Variants in CSMD1 observed in about 807,000 individuals in gnomAD.
The protein encoded by CSMD1 is CUB and Sushi multiple domains 1, also known as CUB and sushi domain-containing protein 1.
CSMD1 carries 213 observed loss-of-function variants against 417.5 expected under a neutral mutation model. The observed-to-expected ratio is 0.51, with a 90% CI of 0.46 to 0.57. The LOEUF is 0.57. Among genes scored for constraint, CSMD1 ranks in the 20% least tolerant of loss-of-function variants. The pLI is 0.00. For synonymous variants in CSMD1, 2,862 were observed against 1,736.8 expected, an observed-to-expected ratio of 1.65 and a Z score of -16.11; for missense variants, 6,923 against 4,529.7, an observed-to-expected ratio of 1.53 and a Z score of -15.17.
intron 3 of CSMD1, among the ~76,000 whole-genome samples, chr8:4,165,268 G>T (rs557911723): frequency 1.6e-4 from 24 of 152,336 alleles, no homozygotes; most frequent in African/African-American, 5.8e-4. Context: ...TGCAGCGAAA[G>T]TTACAGCTGT....
At chr8:3,510,361 G>C (rs1010266974) in intron 10 of CSMD1, among the ~76,000 whole-genome samples, 29 of 151,838 alleles carry the variant, frequency 1.9e-4, no homozygotes, top group Non-Finnish European at 4.0e-4. Context: ...GAGGACAGTA[G>C]AGAAAGCACA....
intron 4 of CSMD1, among the ~76,000 whole-genome samples, chr8:4,016,450 C>G (rs1024435966): frequency 5.3e-5 from 8 of 152,132 alleles, no homozygotes; most frequent in African/African-American, 1.9e-4. Context: ...TCTTAGACGT[C>G]TCCAGGTCTC....
intron 7 of CSMD1, among the ~76,000 whole-genome samples, chr8:3,636,154 G>A (rs926631854): frequency 3.9e-5 from 6 of 152,264 alleles, no homozygotes; most frequent in East Asian, 1.9e-4. Flanking sequence ...ACAACACAGG[G>A]TCAGAATAAT....
intron 54 of CSMD1, among the ~76,000 whole-genome samples, chr8:2,986,168 T>G (rs768163184): frequency 6.6e-6 from 1 of 152,206 alleles, no homozygotes. Flanking sequence ...ACAATTGTAA[T>G]TGATTGCCTG....
chr8:3,776,805 G>GATATATATATATAT (rs1411200186), intron 5 of CSMD1, among the ~76,000 whole-genome samples: 9 of 96,764 alleles, frequency 9.3e-5, no homozygotes, highest in African/African-American at 3.9e-4. Context: ...ACATATAGAC[G>GATATATATATATAT]AGATATATAT....
intron 1 of CSMD1, among the ~76,000 whole-genome samples, chr8:4,732,465 T>C (rs1252891983): frequency 6.6e-6 from 1 of 151,568 alleles, no homozygotes; most frequent in Non-Finnish European, 1.5e-5. Context: ...AGAACAAGAA[T>C]TACTTACAAG....
intron 3 of CSMD1, among the ~76,000 whole-genome samples, chr8:4,300,701 C>T (rs1797937972): frequency 6.6e-6 from 1 of 152,166 alleles, no homozygotes; most frequent in Admixed American, 6.5e-5. Context: ...AACCCCACAA[C>T]AGTCCCCGGA....
chr8:3,553,381 A>C (rs981455991), intron 10 of CSMD1, among the ~76,000 whole-genome samples: 8 of 152,198 alleles, frequency 5.3e-5, no homozygotes, highest in African/African-American at 1.9e-4. Context: ...TTGTTTCATG[A>C]AACAGACAGA....
chr8:4,930,935 G>C (rs182110079), intron 1 of CSMD1, among the ~76,000 whole-genome samples: 124 of 152,204 alleles, frequency 8.1e-4, no homozygotes, highest in African/African-American at 3.0e-3. Flanking sequence ...ACATTGTACA[G>C]AACTGGAAAT....
intron 2 of CSMD1, among the ~76,000 whole-genome samples, chr8:4,579,769 A>G (rs1222204960): frequency 6.6e-6 from 1 of 152,086 alleles, no homozygotes; most frequent in African/African-American, 2.4e-5. Flanking sequence ...TTTACAGGTG[A>G]ATTTCCAATT....
chr8:4,027,084 C>T (rs370044128), intron 4 of CSMD1, among the ~76,000 whole-genome samples: 12 of 152,104 alleles, frequency 7.9e-5, no homozygotes, highest in Admixed American at 4.6e-4. Context: ...CAGGATAGGT[C>T]GGCCACAGAA....
At chr8:4,949,177 G>C (rs867002397) in intron 1 of CSMD1, among the ~76,000 whole-genome samples, 2 of 152,026 alleles carry the variant, frequency 1.3e-5, no homozygotes, top group Non-Finnish European at 2.9e-5. Flanking sequence ...AGTTTATCAT[G>C]TTATAATATT....
At chr8:4,147,272 C>G (rs1200938790) in intron 3 of CSMD1, among the ~76,000 whole-genome samples, 2 of 152,156 alleles carry the variant, frequency 1.3e-5, no homozygotes, top group Non-Finnish European at 2.9e-5. Flanking sequence ...TCCTCCTCAC[C>G]TGCGTAATTC....
At chr8:4,142,434 A>G (rs1803846540) in intron 3 of CSMD1, among the ~76,000 whole-genome samples, 1 of 151,162 alleles carries the variant, frequency 6.6e-6, no homozygotes, top group Non-Finnish European at 1.5e-5. Context: ...CCATAACAGA[A>G]CTAGTTTCCC....
At chr8:4,815,829 G>A (rs1799175466) in intron 1 of CSMD1, among the ~76,000 whole-genome samples, 1 of 151,680 alleles carries the variant, frequency 6.6e-6, no homozygotes, top group Non-Finnish European at 1.5e-5. Context: ...ATGCCTAAAT[G>A]TTGGCTCCCA....
At chr8:3,179,365 G>C (rs375909555) in intron 37 of CSMD1, among the ~76,000 whole-genome samples, 1 of 152,080 alleles carries the variant, frequency 6.6e-6, no homozygotes, top group East Asian at 1.9e-4. Flanking sequence ...ACTTAAAAAA[G>C]AAAATAACAA....
chr8:4,835,631 G>C (rs919240538), intron 1 of CSMD1, among the ~76,000 whole-genome samples: 41 of 152,124 alleles, frequency 2.7e-4, no homozygotes, highest in African/African-American at 9.9e-4. Context: ...GAATTGCTCA[G>C]GTGATGAAAT....
intron 3 of CSMD1, among the ~76,000 whole-genome samples, chr8:4,294,967 T>C (rs895479980): frequency 2.0e-5 from 3 of 150,970 alleles, no homozygotes; most frequent in Non-Finnish European, 4.4e-5. Flanking sequence ...AGGATATTTT[T>C]CTTATATTTT....
intron 3 of CSMD1, among the ~76,000 whole-genome samples, chr8:4,293,343 T>A (rs1797478292): frequency 6.6e-6 from 1 of 152,178 alleles, no homozygotes; most frequent in African/African-American, 2.4e-5. Flanking sequence ...TGTGCAAATA[T>A]TAATATCTTA....
Sources: gnomAD v4.1 joint callset for allele counts (sites outside exome capture counted in the v4.1 genomes callset) on GRCh38, gnomAD v4.1.1 for gene constraint, MANE v1.5 for transcripts, NCBI Gene and HGNC (gene_info 2026-07-23, HGNC 2026-07-21) for gene names.